The following NALF1 variants were observed in gnomAD, a reference collection of about 807,000 sequenced individuals.
The protein encoded by NALF1 is family with sequence similarity 155 member A.
Under a neutral mutation model 48.4 loss-of-function variants are expected in NALF1, and 3 were observed. The observed-to-expected ratio is 0.06, with a 90% confidence interval of 0.03 to 0.16. The LOEUF (loss-of-function observed/expected upper bound fraction) is 0.16. Ranked by LOEUF, NALF1 falls within the 10% of genes least tolerant of loss-of-function variation. The pLI is 1.00. For synonymous variants in NALF1, 262 were observed against 245.7 expected (o/e 1.07, Z -0.62); for missense variants, 526 against 571.5 (o/e 0.92, Z 0.81).
At chr13:107,557,147 G>GA (rs1021067867) in intron 1 of NALF1, among the ~76,000 whole-genome samples, 8 of 150,724 alleles carry the variant, frequency 5.3e-5, no homozygotes, top group South Asian at 2.1e-4. Context: ...CTAGCTTCTT[G>GA]AAAAAAAAAT....
At chr13:107,414,504 AAATAT>A (rs923203229) in intron 1 of NALF1, among the ~76,000 whole-genome samples, 7 of 150,506 alleles carry the variant, frequency 4.7e-5, no homozygotes, top group African/African-American at 1.7e-4. Flanking sequence ...TAATTCTATT[AAATAT>A]AATTAAATTT....
intron 1 of NALF1, among the ~76,000 whole-genome samples, chr13:107,627,213 C>A (rs1157107822): frequency 6.6e-6 from 1 of 151,980 alleles, no homozygotes; most frequent in Non-Finnish European, 1.5e-5. Context: ...GTTATGATTT[C>A]TCACAGGAAA....
chr13:107,745,577 T>G (rs1456132923), intron 1 of NALF1, among the ~76,000 whole-genome samples: 1 of 152,170 alleles, frequency 6.6e-6, no homozygotes, highest in Non-Finnish European at 1.5e-5. Context: ...CGTTTATTTT[T>G]CTGTTGTAAA....
At chr13:107,574,167 C>T (rs1397355584) in intron 1 of NALF1, among the ~76,000 whole-genome samples, 2 of 152,154 alleles carry the variant, frequency 1.3e-5, no homozygotes, top group Admixed American at 6.5e-5. Context: ...GAAAGAGAAA[C>T]AAATTTTTGT....
At chr13:107,207,225 T>C (rs1013439143) in intron 2 of NALF1, among the ~76,000 whole-genome samples, 1 of 152,200 alleles carries the variant, frequency 6.6e-6, no homozygotes, top group Non-Finnish European at 1.5e-5. Flanking sequence ...CCTTAAACTT[T>C]GATATATTTA....
intron 1 of NALF1, among the ~76,000 whole-genome samples, chr13:107,627,701 T>C (rs187010277): frequency 6.6e-6 from 1 of 152,086 alleles, no homozygotes; most frequent in African/African-American, 2.4e-5. Flanking sequence ...AGAACTGCAG[T>C]GGTGGGCTCT....
chr13:107,174,543 G>A (rs1878876786), intron 2 of NALF1, among the ~76,000 whole-genome samples: 1 of 151,842 alleles, frequency 6.6e-6, no homozygotes, highest in African/African-American at 2.4e-5. Context: ...TTTTAGTAGA[G>A]ACAGGGTTTC....
intron 1 of NALF1, among the ~76,000 whole-genome samples, chr13:107,818,084 C>T (rs1433737033): frequency 3.3e-5 from 5 of 152,158 alleles, no homozygotes; most frequent in African/African-American, 1.2e-4. Context: ...GTAACCAATG[C>T]TGATTTTCTT....
At chr13:107,788,102 T>C (rs565709365) in intron 1 of NALF1, among the ~76,000 whole-genome samples, 1 of 152,290 alleles carries the variant, frequency 6.6e-6, no homozygotes, top group East Asian at 1.9e-4. Context: ...ATGTCATCCT[T>C]AGCATTTAAA....
At position 107,867,407 on chromosome 13, in the gene NALF1, A is replaced by G. The variant is rs1880775252; in HGVS notation, c.-811T>C. On this transcript the variant is annotated 5_prime_UTR_variant, in exon 1 of 3. Transcript: ENST00000375915. This position sits in a 1 kb window ranked among gnomAD's most constrained non-coding sequence, Gnocchi z 4.4. ...CGCCTCCCGCGGAGCTCCGGGCCGAATCGCCTGGGCTGGGCCTCCCGAGAG... is the reference window on the plus strand; with the variant it reads ...CGCCTCCCGCGGAGCTCCGGGCCGAGTCGCCTGGGCTGGGCCTCCCGAGAG... Among the ~76,000 whole-genome samples the G allele has an allele frequency of 6.8e-6, 1 of 146,438 alleles. No homozygotes were observed. The highest frequency in any genetic ancestry group is 1.5e-5 in the Non-Finnish European group (1 of 66,142).
At chr13:107,385,552 CA>C (rs201307018) in intron 1 of NALF1, among the ~76,000 whole-genome samples, 475 of 117,998 alleles carry the variant, frequency 4.0e-3, no homozygotes, top group African/African-American at 0.012. Flanking sequence ...GATTCCATCT[CA>C]AAAAAAAAAA....
At chr13:107,549,129 G>C (rs1308662724) in intron 1 of NALF1, among the ~76,000 whole-genome samples, 1 of 152,158 alleles carries the variant, frequency 6.6e-6, no homozygotes, top group African/African-American at 2.4e-5. Context: ...CAATAACAGT[G>C]ATGTGGAATT....
chr13:107,389,772 A>AGT (rs1883590351), intron 1 of NALF1, among the ~76,000 whole-genome samples: 1 of 152,172 alleles, frequency 6.6e-6, no homozygotes, highest in Non-Finnish European at 1.5e-5. Flanking sequence ...TGCATAGAAC[A>AGT]GTGCCTGGCA....
At chr13:107,404,345 A>G (rs1883863785) in intron 1 of NALF1, among the ~76,000 whole-genome samples, 1 of 152,112 alleles carries the variant, frequency 6.6e-6, no homozygotes. Context: ...CAGTGACACC[A>G]TGATAACTTC....
At chr13:107,310,753 C>T (rs1362704432) in intron 1 of NALF1, among the ~76,000 whole-genome samples, 2 of 152,120 alleles carry the variant, frequency 1.3e-5, no homozygotes, top group Admixed American at 6.6e-5. Flanking sequence ...TCTTGGCTCA[C>T]TGCAACCTCT....
intron 1 of NALF1, among the ~76,000 whole-genome samples, chr13:107,555,439 A>ATTTTTTTTTTTTTTTTTTT (rs34486058): frequency 1.4e-5 from 1 of 69,958 alleles, no homozygotes; most frequent in Admixed American, 1.9e-4. Context: ...AGCCTGGCTA[A>ATTTTTTTTTTTTTTTTTTT]TTTTTTTTTT....
At chr13:107,172,930 C>A (rs1040215577) in intron 2 of NALF1, among the ~76,000 whole-genome samples, 1 of 152,066 alleles carries the variant, frequency 6.6e-6, no homozygotes, top group Non-Finnish European at 1.5e-5. Context: ...AATAAATGAA[C>A]CCTTCTTTTT....
At chr13:107,852,685 C>T (rs1038848686) in intron 1 of NALF1, among the ~76,000 whole-genome samples, 5 of 152,128 alleles carry the variant, frequency 3.3e-5, no homozygotes, top group African/African-American at 1.2e-4. Context: ...AATGGTCCTT[C>T]ACCATTACTT....
chr13:107,174,050 C>G (rs1332477012), intron 2 of NALF1, among the ~76,000 whole-genome samples: 1 of 152,162 alleles, frequency 6.6e-6, no homozygotes, highest in Non-Finnish European at 1.5e-5. Context: ...CTTTTCGAAG[C>G]AACTGTTCTT....
Sources: gnomAD v4.1 joint callset for allele counts (sites outside exome capture counted in the v4.1 genomes callset) on GRCh38, gnomAD v4.1.1 for gene constraint, Gnocchi (gnomAD v3.1) non-coding constraint, MANE v1.5 for transcripts, NCBI Gene and HGNC (gene_info 2026-07-23, HGNC 2026-07-21) for gene names.